SYT14: variants seen among roughly 807,000 people sequenced by gnomAD.
SYT14 encodes the protein synaptotagmin-14.
SYT14 carries 32 observed loss-of-function variants against 74.2 expected under a neutral mutation model. That is an observed-to-expected ratio of 0.43 (90% CI 0.33 to 0.58). SYT14 has a LOEUF of 0.58. Ranked by LOEUF, SYT14 falls within the 20% of genes least tolerant of loss-of-function variation. The pLI, the probability that SYT14 is intolerant of heterozygous loss-of-function variation, is 0.05. For synonymous variants in SYT14, 298 were observed against 337.7 expected (o/e 0.88, Z 1.29); for missense variants, 791 against 981.8 (o/e 0.81, Z 2.60).
At chr1:209,972,108 T>C (rs1418621748) in intron 2 of SYT14, among the ~76,000 whole-genome samples, 1 of 152,166 alleles carries the variant, frequency 6.6e-6, no homozygotes, top group African/African-American at 2.4e-5. Context: ...CTTGAGACGA[T>C]CTTGGGAGGT....
chr1:210,002,477 T>C (rs1220148270), intron 2 of SYT14, among the ~76,000 whole-genome samples: 1 of 152,088 alleles, frequency 6.6e-6, no homozygotes, highest in East Asian at 1.9e-4. Context: ...ATGTAACTAT[T>C]ATTCATTCAT....
intron 2 of SYT14, among the ~76,000 whole-genome samples, chr1:209,972,418 G>C (rs1339745945): frequency 6.6e-6 from 1 of 151,492 alleles, no homozygotes; most frequent in East Asian, 1.9e-4. Context: ...GTTTGTTCTT[G>C]TTTTTCTCGT....
At chr1:210,023,113 A>C (rs574021004) in intron 5 of SYT14, among the ~76,000 whole-genome samples, 1 of 152,140 alleles carries the variant, frequency 6.6e-6, no homozygotes, top group South Asian at 2.1e-4. Flanking sequence ...TGAAACACTT[A>C]ATTTTAGGCA....
rs1478721597 is a variant in SYT14 at position 209,970,684 on chromosome 1, T to A, written c.-486+17928T>A. On this transcript the variant is annotated intron_variant, in intron 2 of 9. Transcript: ENST00000637265. Reference sequence around the variant, plus strand: ...TGGCTTTTTTTTTTTTTTTTTTTTTTTTTTTTTTTTTTTTTTTGAGGCAGA... The same window carrying A: ...TGGCTTTTTTTTTTTTTTTTTTTTTATTTTTTTTTTTTTTTTTGAGGCAGA... 4.6e-3 allele frequency among the ~76,000 whole-genome samples: 322 copies of A among 70,590 alleles called. 15 individuals carry two copies. Among genetic ancestry groups the A allele is most frequent in the African/African-American group, 0.014 (299 of 21,300 alleles). The allele number at this position is 70,590 out of a possible 152,430, so 46.3% of individuals were successfully genotyped here.
chr1:210,006,964 A>G (rs1572148473), intron 2 of SYT14, among the ~76,000 whole-genome samples: 2 of 151,986 alleles, frequency 1.3e-5, no homozygotes, highest in Admixed American at 6.6e-5. Flanking sequence ...ACAAAATATA[A>G]TGGAGAATTT....
chr1:210,168,299 T>C (rs976503712), exon 10 of SYT14: 1 of 152,242 alleles, frequency 6.6e-6, no homozygotes, highest in African/African-American at 2.4e-5. Flanking sequence ...ACATTATTTC[T>C]ATGTCAGTTT....
At chr1:210,139,429 T>C (rs2082870235) in intron 7 of SYT14, among the ~76,000 whole-genome samples, 1 of 152,086 alleles carries the variant, frequency 6.6e-6, no homozygotes, top group Non-Finnish European at 1.5e-5. Context: ...TAAATTATCT[T>C]TGAGATTCTT....
exon 6 of SYT14, chr1:210,094,485 T>C (rs1393966272): frequency 1.2e-6 from 2 of 1,613,972 alleles, no homozygotes; most frequent in Admixed American, 1.7e-5. Flanking sequence ...GATGCTCATA[T>C]AACAAGTGCC....
intron 1 of SYT14, among the ~76,000 whole-genome samples, chr1:209,940,074 C>T (rs1351752631): frequency 3.3e-5 from 5 of 152,168 alleles, no homozygotes; most frequent in African/African-American, 1.2e-4. Flanking sequence ...TTTCATAATA[C>T]AAAGATCAGG....
chr1:210,031,602 G>A lies in SYT14; in HGVS notation c.1312+10348G>A, dbSNP rs181512525. Among the ~76,000 whole-genome samples, 4 of 152,184 alleles carry A rather than the reference G, an allele frequency of 2.6e-5. No homozygotes were observed. In the East Asian group the frequency reaches 5.8e-4, roughly 22 times the overall value. On this transcript the variant is annotated intron_variant, in intron 5 of 9. Coordinates refer to ENST00000637265, the Ensembl canonical transcript of SYT14. ...TTTAAATAGATACATACCTATTCAG[G>A]TCGTCTGTTTCTTCTTGTGTGAGTT...
intron 5 of SYT14, among the ~76,000 whole-genome samples, chr1:210,073,730 C>G (rs536287814): frequency 2.0e-5 from 3 of 150,908 alleles, no homozygotes; most frequent in South Asian, 2.1e-4. Flanking sequence ...ATCATTTGTT[C>G]TTTTCTACTT....
Position 210,142,633 on chromosome 1 carries a change from T to A in SYT14, c.2035-13088T>A, listed in dbSNP as rs895236347. Among the ~76,000 whole-genome samples, 3 of 152,054 alleles carry A rather than the reference T, an allele frequency of 2.0e-5. No homozygotes were observed. The South Asian group carries it at 6.2e-4, about 32-fold the overall frequency. On this transcript the variant is annotated intron_variant, in intron 7 of 9. Coordinates refer to ENST00000637265, the Ensembl canonical transcript of SYT14. ...ATTCAGTTAAGGAAAACTAAGAACG[T>A]TACCAGAAAAAAGATACAAGGCCAA...
intron 2 of SYT14, among the ~76,000 whole-genome samples, chr1:209,962,103 TCTTA>T (rs988465899): frequency 5.3e-5 from 8 of 152,214 alleles, no homozygotes; most frequent in East Asian, 1.9e-4. Context: ...ATTATAATTG[TCTTA>T]CTTTTCTTTC....
exon 10 of SYT14, chr1:210,167,720 A>G (rs543492390): frequency 1.3e-5 from 2 of 152,270 alleles, no homozygotes; most frequent in South Asian, 4.1e-4. Flanking sequence ...ATATAATCTT[A>G]AGGTAATCAG....
intron 5 of SYT14, among the ~76,000 whole-genome samples, chr1:210,042,960 C>T (rs547958534): frequency 3.3e-5 from 5 of 152,252 alleles, no homozygotes; most frequent in East Asian, 3.9e-4. Context: ...GCCATTTTCA[C>T]GATATTGATT....
chr1:210,050,635 C>T (rs1245075891), intron 5 of SYT14, among the ~76,000 whole-genome samples: 4 of 152,136 alleles, frequency 2.6e-5, no homozygotes, highest in South Asian at 2.1e-4. Context: ...GTTTATTGGA[C>T]GTACAGTATC....
At chr1:209,958,308 G>GT in intron 2 of SYT14, among the ~76,000 whole-genome samples, 1 of 151,824 alleles carries the variant, frequency 6.6e-6, no homozygotes, top group Admixed American at 6.6e-5. Context: ...TGTGATTCTT[G>GT]TTATCTATTA....
At chr1:210,157,519 G>A (rs956026185) in intron 8 of SYT14, among the ~76,000 whole-genome samples, 1 of 151,728 alleles carries the variant, frequency 6.6e-6, no homozygotes, top group African/African-American at 2.4e-5. Flanking sequence ...CGAGGCGGGT[G>A]GATCACGAGG....
chr1:210,032,247 T>A (rs2080554590), intron 5 of SYT14, among the ~76,000 whole-genome samples: 1 of 152,140 alleles, frequency 6.6e-6, no homozygotes, highest in East Asian at 1.9e-4. Context: ...TGCAGTTGAA[T>A]TTCAGTAGCA....
Sources: allele counts gnomAD v4.1 joint callset (sites outside exome capture counted in the v4.1 genomes callset), GRCh38; gene constraint gnomAD v4.1.1; transcripts MANE v1.5; gene names NCBI Gene and HGNC (gene_info 2026-07-23, HGNC 2026-07-21).